TMPRSS13: variants seen among roughly 807,000 people sequenced by gnomAD.
TMPRSS13 encodes transmembrane serine protease 13, also known as transmembrane protease serine 13.
TMPRSS13 carries 50 observed loss-of-function variants against 68.4 expected under a neutral mutation model. The ratio of observed to expected loss-of-function variants is 0.73; its 90% CI spans 0.58 to 0.93. The LOEUF (loss-of-function observed/expected upper bound fraction) is 0.93. TMPRSS13 is among the 40% of genes least tolerant of loss of function. The pLI, the probability that TMPRSS13 is intolerant of heterozygous loss-of-function variation, is 0.00. For synonymous variants in TMPRSS13, 267 were observed against 285.8 expected, an observed-to-expected ratio of 0.93 and a Z score of 0.66; for missense variants, 615 against 729.2, an observed-to-expected ratio of 0.84 and a Z score of 1.80.
At chr11:117,923,982 G>C (rs557595213) in intron 1 of TMPRSS13, among the ~76,000 whole-genome samples, 2 of 151,946 alleles carry the variant, frequency 1.3e-5, no homozygotes, top group South Asian at 4.2e-4. Context: ...TCAGCCCTGG[G>C]CCATCCCTTC....
chr11:117,929,232 G>A (rs2057736030), intron 1 of TMPRSS13, 55 bp downstream of exon 1: 2 of 1,529,618 alleles, frequency 1.3e-6, no homozygotes, highest in Non-Finnish European at 1.8e-6. Context: ...CCCAGCCTCA[G>A]CCCTGCTTCC....
intron 1 of TMPRSS13, among the ~76,000 whole-genome samples, chr11:117,924,607 C>T (rs1269041945): frequency 2.6e-5 from 4 of 151,840 alleles, no homozygotes; most frequent in Admixed American, 6.5e-5. Context: ...GCCTAAAAAC[C>T]CTCCTTGCCT....
At chr11:117,925,006 G>A (rs1281156058) in intron 1 of TMPRSS13, among the ~76,000 whole-genome samples, 3 of 152,206 alleles carry the variant, frequency 2.0e-5, no homozygotes, top group South Asian at 2.1e-4. Context: ...CTAGGCCGCC[G>A]TGTGACCTTG....
intron 2 of TMPRSS13, among the ~76,000 whole-genome samples, chr11:117,918,125 C>T (rs541986990): frequency 9.9e-5 from 15 of 152,264 alleles, no homozygotes; most frequent in African/African-American, 3.1e-4. Context: ...CTATTGAAAC[C>T]GGTGCTCTGA....
rs569355425 is a variant in TMPRSS13, at chr11:117,915,206, C to T, written c.557-692G>A. ...AAGCCATATGTGCAAATCTGCTTCA[C>T]GACTTCCTCCCTCTCTAACAGCAAT... On this transcript the variant is annotated intron_variant, in intron 3 of 12. Transcript: ENST00000524993. The surrounding 1 kb of genome is among the most constrained non-coding windows in gnomAD (Gnocchi z 4.9). Among the ~76,000 whole-genome samples the T allele has an allele frequency of 7.7e-4, 117 of 152,322 alleles. No homozygotes were observed. Among genetic ancestry groups the T allele is most frequent in the African/African-American group, 2.7e-3 (112 of 41,570 alleles).
intron 9 of TMPRSS13, among the ~76,000 whole-genome samples, chr11:117,906,483 T>G (rs974481678): frequency 1.3e-5 from 2 of 152,220 alleles, no homozygotes; most frequent in Non-Finnish European, 2.9e-5. Context: ...CTTTGTTATA[T>G]TCACTGCAGT....
intron 9 of TMPRSS13, 168 bp downstream of exon 9, chr11:117,908,444 T>C (rs1441003346): frequency 6.9e-6 from 5 of 722,192 alleles, no homozygotes; most frequent in Non-Finnish European, 1.1e-5. Context: ...TCAGTTTCCC[T>C]AATTATAAAA....
chr11:117,924,258 G>A (rs139819262), intron 1 of TMPRSS13, among the ~76,000 whole-genome samples: 24 of 128,846 alleles, frequency 1.9e-4, no homozygotes, highest in Non-Finnish European at 3.7e-4. Context: ...CAGAAAGGCT[G>A]TGTGACTTGC....
At chr11:117,918,374 C>T (rs1418841870) in intron 2 of TMPRSS13, 35 bp downstream of exon 2, 18 of 1,602,162 alleles carry the variant, frequency 1.1e-5, no homozygotes, top group Non-Finnish European at 1.5e-5. Flanking sequence ...GGCTGCTTCC[C>T]ATCTCTCGTG....
chr11:117,928,957 T>A (rs546004653), intron 1 of TMPRSS13, among the ~76,000 whole-genome samples: 3 of 152,098 alleles, frequency 2.0e-5, no homozygotes, highest in African/African-American at 7.2e-5. Flanking sequence ...GGATTCCCAA[T>A]CGGCAAAGTT....
At chr11:117,925,647 GCCT>G (rs2057698124) in intron 1 of TMPRSS13, among the ~76,000 whole-genome samples, 1 of 152,170 alleles carries the variant, frequency 6.6e-6, no homozygotes, top group African/African-American at 2.4e-5. Context: ...TGCTGTCAAG[GCCT>G]CCACTTGACG....
intron 9 of TMPRSS13, chr11:117,908,027 T>G: frequency 1.0e-6 from 1 of 996,426 alleles, no homozygotes; most frequent in Non-Finnish European, 1.2e-6. Context: ...AGCAATTAGT[T>G]GTTTGAATGT....
rs145439255 is a variant in TMPRSS13 at position 117,920,172 on chromosome 11, G to A, written c.22-1334C>T. Among the ~76,000 whole-genome samples, 132 of 152,242 alleles carry A rather than the reference G, an allele frequency of 8.7e-4. 1 individual carries two copies. The highest frequency in any genetic ancestry group is 3.4e-3 in the Middle Eastern group (1 of 292). On this transcript the variant is annotated intron_variant, in intron 1 of 12. Coordinates refer to ENST00000524993, the MANE Select transcript of TMPRSS13 (RefSeq NM_001077263.3). ...TGGCCTGCCTCTAAGGCAGCTGGGC[G>A]CCCCAGGCAAGTGACTTCACCTCTT...
At chr11:117,919,021 C>A (rs927790646) in intron 1 of TMPRSS13, among the ~76,000 whole-genome samples, 183 bp from the exon 2 acceptor site, 1 of 152,144 alleles carries the variant, frequency 6.6e-6, no homozygotes, top group African/African-American at 2.4e-5. Context: ...GCTCAAAGAA[C>A]CTGCTGTCCC....
intron 1 of TMPRSS13, among the ~76,000 whole-genome samples, chr11:117,923,339 C>G (rs138334612): frequency 2.6e-5 from 4 of 152,120 alleles, no homozygotes; most frequent in Admixed American, 6.5e-5. Context: ...TGGGCCGTTA[C>G]CTGGTGGGGA....
chr11:117,910,014 G>A, intron 7 of TMPRSS13, 46 bp from the exon 8 acceptor site: 3 of 1,596,080 alleles, frequency 1.9e-6, no homozygotes, highest in Non-Finnish European at 2.6e-6. Flanking sequence ...TTCTCCCAGG[G>A]TTCTTTCCGA....
In TMPRSS13 at chr11:117,906,243, C is replaced by T. The variant is rs911660176; in HGVS notation, c.1283-507G>A. On this transcript the variant is annotated intron_variant, in intron 9 of 12. Coordinates refer to ENST00000524993, the MANE Select transcript of TMPRSS13 (RefSeq NM_001077263.3). Reference sequence around the variant, plus strand: ...TCTCCTTTTAAATGTTTTCCCAGCACAAGGTAAGAAATCTCTCCAAACAGG... The same window carrying T: ...TCTCCTTTTAAATGTTTTCCCAGCATAAGGTAAGAAATCTCTCCAAACAGG... Among the ~76,000 whole-genome samples, 14 of 152,234 alleles carry T rather than the reference C, an allele frequency of 9.2e-5. 1 individual carries two copies. The highest frequency in any genetic ancestry group is 4.1e-4 in the South Asian group (2 of 4,830).
chr11:117,908,887 G>T, intron 8 of TMPRSS13, 103 bp from the exon 9 acceptor site: 3 of 1,202,460 alleles, frequency 2.5e-6, no homozygotes, highest in Non-Finnish European at 3.4e-6. Context: ...CAGCTTGGAG[G>T]CAGGAGGATG....
intron 12 of TMPRSS13, chr11:117,903,079 G>A (rs1565343801): frequency 1.7e-6 from 2 of 1,164,702 alleles, no homozygotes; most frequent in Non-Finnish European, 2.1e-6. Context: ...ACTCTTTTAT[G>A]ATAGTAGTGA....
Sources: gnomAD v4.1 joint callset for allele counts (sites outside exome capture counted in the v4.1 genomes callset) on GRCh38, gnomAD v4.1.1 for gene constraint, Gnocchi (gnomAD v3.1) non-coding constraint, MANE v1.5 for transcripts, NCBI Gene and HGNC (gene_info 2026-07-23, HGNC 2026-07-21) for gene names.